AKR1B10: variants seen among roughly 807,000 people sequenced by gnomAD.
The protein encoded by AKR1B10 is aldo-keto reductase family 1 member B10.
In AKR1B10, 39 loss-of-function variants were observed where a neutral mutation model predicts 38.9. The ratio of observed to expected loss-of-function variants is 1.00; its 90% CI spans 0.78 to 1.31. The LOEUF (loss-of-function observed/expected upper bound fraction) is 1.31. Among genes scored for constraint, AKR1B10 ranks in the 50% most tolerant of loss-of-function variants. The pLI, the probability that AKR1B10 is intolerant of heterozygous loss-of-function variation, is 0.00. For synonymous variants in AKR1B10, 148 were observed against 141.2 expected, an observed-to-expected ratio of 1.05 and a Z score of -0.34; for missense variants, 361 against 382.6, an observed-to-expected ratio of 0.94 and a Z score of 0.47.
At chr7:134,530,541 G>T in intron 1 of AKR1B10, 102 bp from the exon 2 acceptor site, 4 of 1,278,712 alleles carry the variant, frequency 3.1e-6, no homozygotes, top group African/African-American at 1.5e-5. Flanking sequence ...GAGGTGGGAG[G>T]GTTGCTTGAA....
chr7:134,539,481 G>A (rs923232567), intron 9 of AKR1B10, among the ~76,000 whole-genome samples: 2 of 152,192 alleles, frequency 1.3e-5, no homozygotes, highest in Admixed American at 6.5e-5. Context: ...GTAGGGCAAA[G>A]TGGATAGGAA....
intron 4 of AKR1B10, chr7:134,535,613 T>TTTTTTTG: frequency 2.1e-6 from 2 of 933,318 alleles, no homozygotes; most frequent in Non-Finnish European, 2.5e-6. Flanking sequence ...TTTTTTCTTT[T>TTTTTTTG]GAGGCCCAGC....
At chr7:134,535,585 C>CCTTTTTTT (rs1554396831) in intron 4 of AKR1B10, 10 of 410,550 alleles carry the variant, frequency 2.4e-5, no homozygotes, top group African/African-American at 1.2e-4. Context: ...TCTTTTCTGT[C>CCTTTTTTT]TTTTTTTTTT....
chr7:134,535,578 T>C, intron 4 of AKR1B10: 2 of 960,690 alleles, frequency 2.1e-6, no homozygotes, highest in Non-Finnish European at 2.5e-6. Flanking sequence ...TTTTCCCTCT[T>C]TTCTGTCTTT....
At chr7:134,536,454 C>G (rs1232442912) in intron 4 of AKR1B10, among the ~76,000 whole-genome samples, 196 bp from the exon 5 acceptor site, 2 of 152,092 alleles carry the variant, frequency 1.3e-5, no homozygotes, top group Non-Finnish European at 2.9e-5. Flanking sequence ...GTTTTTCTTG[C>G]GCTGGGGAGG....
chr7:134,538,086 G>T, intron 7 of AKR1B10, 108 bp from the exon 8 acceptor site: 1 of 1,038,994 alleles, frequency 9.6e-7, no homozygotes, highest in South Asian at 1.3e-5. Context: ...AATTATTAGC[G>T]ATTGTACCTG....
intron 7 of AKR1B10, 23 bp downstream of exon 7, chr7:134,537,684 G>A (rs753912668): frequency 1.1e-5 from 17 of 1,612,276 alleles, no homozygotes; most frequent in Non-Finnish European, 1.1e-5. Flanking sequence ...TATTTTTCTT[G>A]TTATCCAACA....
At chr7:134,534,472 T>C (rs1253954117) in intron 4 of AKR1B10, among the ~76,000 whole-genome samples, 1 of 152,220 alleles carries the variant, frequency 6.6e-6, no homozygotes, top group Admixed American at 6.5e-5. Context: ...TATGATGCCA[T>C]GAAGTATGGC....
In AKR1B10 at chr7:134,537,640, G is replaced by A; in HGVS notation, c.720G>A (p.Lys240=). 1 of 1,614,098 alleles carries A rather than the reference G, an allele frequency of 6.2e-7. No individual in the cohort carries two copies. Among genetic ancestry groups the A allele is most frequent in the South Asian group, 1.1e-5 (1 of 91,078 alleles). The change falls in exon 7 of 10, where the codon AAG becomes AAA. Residue 240 remains lysine (K), a synonymous_variant. Transcript: ENST00000359579. ...EDPKIKEIAA[K]HKKTAAQVLI... is the part of the protein sequence containing the mutation. ...CCAAGATTAAGGAGATTGCTGCAAA[G>A]CACAAAAAAACCGCAGCCCAGGTGC... is the stretch of plus-strand genomic sequence containing the variant.
intron 2 of AKR1B10, among the ~76,000 whole-genome samples, chr7:134,531,527 A>T (rs570449410): frequency 4.6e-5 from 7 of 152,274 alleles, no homozygotes; most frequent in African/African-American, 1.7e-4. Context: ...CAGATAAAGG[A>T]CCATCTGCTC....
intron 4 of AKR1B10, chr7:134,535,610 T>TA: frequency 2.2e-6 from 2 of 921,818 alleles, no homozygotes; most frequent in Non-Finnish European, 2.5e-6. Flanking sequence ...TTTTTTTTTC[T>TA]TTTGAGGCCC....
chr7:134,529,547 G>T (rs543667495), intron 1 of AKR1B10, among the ~76,000 whole-genome samples: 13 of 152,232 alleles, frequency 8.5e-5, no homozygotes, highest in South Asian at 4.2e-4. Flanking sequence ...GTAGCGTAGC[G>T]GTTGGGGGCA....
chr7:134,532,201 G>A (rs1807876619), intron 3 of AKR1B10, among the ~76,000 whole-genome samples, 177 bp downstream of exon 3: 1 of 152,112 alleles, frequency 6.6e-6, no homozygotes, highest in Non-Finnish European at 1.5e-5. Context: ...TGGAAGGGAG[G>A]TTGAGGCCAT....
At chr7:134,528,769 G>A (rs1256901368) in intron 1 of AKR1B10, among the ~76,000 whole-genome samples, 1 of 152,046 alleles carries the variant, frequency 6.6e-6, no homozygotes, top group African/African-American at 2.4e-5. Flanking sequence ...GAGAGACAGA[G>A]AGAAACAAAA....
intron 1 of AKR1B10, 96 bp from the exon 2 acceptor site, chr7:134,530,547 T>G (rs1648622037): frequency 7.1e-7 from 1 of 1,399,198 alleles, no homozygotes; most frequent in Non-Finnish European, 9.9e-7. Context: ...GGAGGGTTGC[T>G]TGAACCTGGG....
chr7:134,532,297 G>T (rs1057397774), intron 3 of AKR1B10, among the ~76,000 whole-genome samples: 3 of 152,144 alleles, frequency 2.0e-5, no homozygotes, highest in African/African-American at 7.2e-5. Context: ...CAGACAAGTT[G>T]CAACTGCCAT....
Position 134,536,779 on chromosome 7 carries a change from T to C in AKR1B10, c.552+7T>C, listed in dbSNP as rs759715017. The C allele has an allele frequency of 6.8e-6, 11 of 1,613,776 alleles. No individual in the cohort carries two copies. The highest frequency in any genetic ancestry group is 9.3e-6 in the Non-Finnish European group (11 of 1,179,776). Reference sequence around the variant, plus strand: ...TAAACCAGTGACTAACCAGGTAAATTCTATTCAGTTTAAGGGTAAGGGTCC... The same window carrying C: ...TAAACCAGTGACTAACCAGGTAAATCCTATTCAGTTTAAGGGTAAGGGTCC... On this transcript the variant is annotated splice_region_variant and intron_variant, in intron 5 of 9. Coordinates refer to ENST00000359579, the MANE Select transcript of AKR1B10 (RefSeq NM_020299.5).
chr7:134,530,656 A>G lies in AKR1B10; in HGVS notation c.80A>G (p.Lys27Arg). The change falls in exon 2 of 10, where the codon AAA becomes AGA. Residue 27 changes from lysine to arginine, a missense_variant. Physicochemically the swap from Lys to Arg is conservative, Grantham distance 26 (BLOSUM62 2). Coordinates refer to ENST00000359579, the MANE Select transcript of AKR1B10 (RefSeq NM_020299.5). ...TTTGCCTTTCAGTCTCCTCTTGGCA[A>G]AGTGAAAGAAGCAGTGAAGGTGGCC... is the stretch of plus-strand genomic sequence containing the variant. ...GLGTWKSPLG[K>R]VKEAVKVAID... The G allele has an allele frequency of 6.2e-7, 1 of 1,614,040 alleles. No homozygotes were observed. Among genetic ancestry groups the G allele is most frequent in the Non-Finnish European group, 8.5e-7 (1 of 1,179,926 alleles).
chr7:134,538,455 G>C (rs113578518), intron 8 of AKR1B10, among the ~76,000 whole-genome samples, 178 bp downstream of exon 8: 2 of 152,104 alleles, frequency 1.3e-5, no homozygotes, highest in East Asian at 3.9e-4. Context: ...TGACCCATGG[G>C]CTAAGGACAT....
Sources: gnomAD v4.1 joint callset for allele counts (sites outside exome capture counted in the v4.1 genomes callset) on GRCh38, gnomAD v4.1.1 for gene constraint, MANE v1.5 for transcripts, NCBI Gene and HGNC (gene_info 2026-07-23, HGNC 2026-07-21) for gene names.